DNM3: variants seen among roughly 807,000 people sequenced by gnomAD.
DNM3 encodes the protein dynamin 3.
In DNM3, 47 loss-of-function variants were observed where a neutral mutation model predicts 101.6. The observed-to-expected ratio is 0.46, with a 90% CI of 0.37 to 0.59. The LOEUF is 0.59. Ranked by LOEUF, DNM3 falls within the 20% of genes least tolerant of loss-of-function variation. DNM3 has a pLI of 0.00. For missense variants in DNM3, 849 were observed against 1,085.7 expected (o/e 0.78, Z 3.06); for synonymous variants, 385 against 387.9 (o/e 0.99, Z 0.09).
chr1:172,367,952 C>T (rs9425579), intron 17 of DNM3, among the ~76,000 whole-genome samples: 109,716 of 151,650 alleles, frequency 0.72, 42,815 homozygotes, highest in East Asian at 0.88. Flanking sequence ...CAAGATCTGA[C>T]GGTTTTATAA....
At chr1:172,183,695 G>A (rs914432811) in intron 14 of DNM3, among the ~76,000 whole-genome samples, 7 of 151,332 alleles carry the variant, frequency 4.6e-5, no homozygotes, top group African/African-American at 1.5e-4. Flanking sequence ...CCACCTCCTG[G>A]GCCCAAGCAA....
In DNM3 at chr1:172,082,581, G is replaced by A. The variant is rs143400469; in HGVS notation, c.1493+679G>A. Among the ~76,000 whole-genome samples the A allele has an allele frequency of 2.8e-3, 424 of 152,036 alleles. 5 individuals carry two copies. The highest frequency in any genetic ancestry group is 0.026 in the Admixed American group (390 of 15,274). Reference sequence around the variant, plus strand: ...GATATCACCTCTAAAATATATTTTTGCATTTAAGTGGTTCCAACTTCAAGT... The same window carrying A: ...GATATCACCTCTAAAATATATTTTTACATTTAAGTGGTTCCAACTTCAAGT... On this transcript the variant is annotated intron_variant, in intron 12 of 20. Coordinates refer to ENST00000627582, the MANE Select transcript of DNM3 (RefSeq NM_015569.5).
intron 1 of DNM3, among the ~76,000 whole-genome samples, chr1:171,871,852 AGTT>A (rs970710751): frequency 1.5e-5 from 2 of 135,456 alleles, no homozygotes; most frequent in Non-Finnish European, 3.1e-5. Flanking sequence ...TTAAAATTTT[AGTT>A]GTTGTCTTGT....
downstream of DNM3, among the ~76,000 whole-genome samples, chr1:172,414,975 C>T (rs533244553): frequency 1.3e-5 from 2 of 151,624 alleles, no homozygotes; most frequent in Admixed American, 6.6e-5. Context: ...TTCCAGCTAC[C>T]GGAGAGGCTG....
chr1:172,105,172 A>G (rs1391349094), intron 13 of DNM3, among the ~76,000 whole-genome samples: 2 of 152,228 alleles, frequency 1.3e-5, no homozygotes, highest in Non-Finnish European at 2.9e-5. Flanking sequence ...CTGTGATTGT[A>G]TAATAATGTC....
At chr1:172,001,968 T>A (rs1398834390) in intron 4 of DNM3, among the ~76,000 whole-genome samples, 1 of 152,046 alleles carries the variant, frequency 6.6e-6, no homozygotes, top group Non-Finnish European at 1.5e-5. Flanking sequence ...GCTGCTTAGT[T>A]GAGCAGAAGC....
At chr1:172,196,661 T>C (rs2059960064) in intron 14 of DNM3, among the ~76,000 whole-genome samples, 1 of 152,058 alleles carries the variant, frequency 6.6e-6, no homozygotes, top group Admixed American at 6.6e-5. Flanking sequence ...TCATCAGTGA[T>C]ATTCACCTTT....
Position 172,241,179 on chromosome 1 carries a change from A to G in DNM3, c.1660-12394A>G, listed in dbSNP as rs559681451. 4.7e-4 allele frequency among the ~76,000 whole-genome samples: 71 copies of G among 151,632 alleles called. 1 individual carries two copies. In the South Asian group the frequency reaches 0.012, roughly 27 times the overall value. On this transcript the variant is annotated intron_variant, in intron 14 of 20. Transcript: ENST00000627582. Reference sequence around the variant, plus strand: ...TGCCATCTCTCTCACTCACACCTTGAATTCTCAATTTAAAATTTTTCATGC... The same window carrying G: ...TGCCATCTCTCTCACTCACACCTTGGATTCTCAATTTAAAATTTTTCATGC...
At chr1:172,272,358 C>T (rs1181718560) in intron 15 of DNM3, among the ~76,000 whole-genome samples, 1 of 152,012 alleles carries the variant, frequency 6.6e-6, no homozygotes, top group Non-Finnish European at 1.5e-5. Context: ...ATCAGGATAT[C>T]CTTAAGTGAA....
intron 14 of DNM3, among the ~76,000 whole-genome samples, chr1:172,149,415 G>A (rs1251925723): frequency 6.6e-6 from 1 of 152,094 alleles, no homozygotes; most frequent in Non-Finnish European, 1.5e-5. Flanking sequence ...TATGATTTAT[G>A]ACTCCAATAA....
chr1:172,038,561 T>C, intron 7 of DNM3, 100 bp downstream of exon 7: 1 of 1,427,218 alleles, frequency 7.0e-7, no homozygotes, highest in African/African-American at 1.4e-5. Flanking sequence ...AGGTAGCAAG[T>C]AAACTATATG....
At chr1:172,267,311 T>C (rs947444172) in intron 15 of DNM3, among the ~76,000 whole-genome samples, 5 of 152,200 alleles carry the variant, frequency 3.3e-5, no homozygotes, top group African/African-American at 1.2e-4. Flanking sequence ...CCCTCTGTTA[T>C]ATGGAGAAGA....
intron 14 of DNM3, among the ~76,000 whole-genome samples, chr1:172,232,383 T>C (rs1376150381): frequency 6.6e-6 from 1 of 152,156 alleles, no homozygotes; most frequent in South Asian, 2.1e-4. Flanking sequence ...CCCAGATTCA[T>C]AAAGCAAGTC....
At chr1:172,249,642 T>G (rs1203745159) in intron 14 of DNM3, among the ~76,000 whole-genome samples, 3 of 152,168 alleles carry the variant, frequency 2.0e-5, no homozygotes, top group Admixed American at 2.0e-4. Context: ...CCTTTGAAAG[T>G]ATGCAGAAGT....
At chr1:171,891,907 G>A (rs1296399801) in intron 1 of DNM3, among the ~76,000 whole-genome samples, 1 of 152,138 alleles carries the variant, frequency 6.6e-6, no homozygotes, top group African/African-American at 2.4e-5. Context: ...CACACTTAAG[G>A]AGTGGGGAGT....
Position 172,411,882 on chromosome 1 carries a change from C to T in DNM3, c.*4041C>T, listed in dbSNP as rs567007794. ...AGATGATTTTGAAGAAATGATTATT[C>T]GTTCACCAGATCACTCATTGTACAT... is the stretch of plus-strand genomic sequence containing the variant. On this transcript the variant is annotated 3_prime_UTR_variant, in exon 21 of 21. Coordinates refer to ENST00000627582, the MANE Select transcript of DNM3 (RefSeq NM_015569.5). 8 of 985,608 alleles carry T rather than the reference C, an allele frequency of 8.1e-6. No homozygotes were observed. Among genetic ancestry groups the T allele is most frequent in the South Asian group, 4.7e-5 (1 of 21,292 alleles). 61.1% of individuals were successfully genotyped at this position (985,608 alleles called of 1,614,324 possible).
intron 15 of DNM3, among the ~76,000 whole-genome samples, chr1:172,305,424 C>T (rs977998826): frequency 7.2e-5 from 11 of 152,114 alleles, no homozygotes; most frequent in South Asian, 2.1e-4. Flanking sequence ...CAAAACCAGA[C>T]GGATTCACAG....
chr1:172,306,173 C>T (rs1157047163), intron 15 of DNM3, among the ~76,000 whole-genome samples: 1 of 152,200 alleles, frequency 6.6e-6, no homozygotes, highest in Non-Finnish European at 1.5e-5. Context: ...TGATAAGCAA[C>T]TTCAGCAAAG....
intron 14 of DNM3, among the ~76,000 whole-genome samples, chr1:172,219,144 G>A (rs990264131): frequency 1.3e-5 from 2 of 151,814 alleles, no homozygotes; most frequent in African/African-American, 4.8e-5. Flanking sequence ...CTTGAGCCCA[G>A]GAATTCAAGA....
Sources: allele counts gnomAD v4.1 joint callset (sites outside exome capture counted in the v4.1 genomes callset), GRCh38; gene constraint gnomAD v4.1.1; transcripts MANE v1.5; gene names NCBI Gene and HGNC (gene_info 2026-07-23, HGNC 2026-07-21).